NCR3LG1: variants seen among roughly 807,000 people sequenced by gnomAD.
The protein encoded by NCR3LG1 is natural killer cell cytotoxicity receptor 3 ligand 1, also known as natural cytotoxicity triggering receptor 3 ligand 1.
Under a neutral mutation model 34.8 loss-of-function variants are expected in NCR3LG1, and 35 were observed. The observed-to-expected ratio is 1.01, with a 90% CI of 0.77 to 1.33. The LOEUF is 1.33. NCR3LG1 is among the 40% of genes most tolerant of loss of function. The pLI, the probability that NCR3LG1 is intolerant of heterozygous loss-of-function variation, is 0.00. For synonymous variants in NCR3LG1, 173 were observed against 163.6 expected, an observed-to-expected ratio of 1.06 and a Z score of -0.44; for missense variants, 452 against 423.3, an observed-to-expected ratio of 1.07 and a Z score of -0.60.
chr11:17,356,449 T>A (rs1953206438), intron 1 of NCR3LG1, among the ~76,000 whole-genome samples: 1 of 152,094 alleles, frequency 6.6e-6, no homozygotes, highest in African/African-American at 2.4e-5. Context: ...ATGTCTTTTC[T>A]TGTAAGGGCA....
chr11:17,357,871 G>A (rs934029334), intron 2 of NCR3LG1, among the ~76,000 whole-genome samples: 6 of 151,764 alleles, frequency 4.0e-5, no homozygotes, highest in South Asian at 4.2e-4. Flanking sequence ...CATGCCTGGC[G>A]AATTTTTACA....
chr11:17,354,545 CTTT>C (rs71047545), intron 1 of NCR3LG1, among the ~76,000 whole-genome samples: 629 of 70,060 alleles, frequency 9.0e-3, no homozygotes, highest in African/African-American at 0.015. Flanking sequence ...AATTCTTCTT[CTTT>C]TTTTTTTTTT....
At chr11:17,354,267 G>A (rs1023323407) in intron 1 of NCR3LG1, among the ~76,000 whole-genome samples, 1 of 152,228 alleles carries the variant, frequency 6.6e-6, no homozygotes, top group Non-Finnish European at 1.5e-5. Flanking sequence ...CAAGACTGCA[G>A]AAAATTCCAA....
chr11:17,372,947 A>C lies in NCR3LG1; in HGVS notation c.*435A>C, dbSNP rs2133365964. 1 of 162,814 alleles carries C rather than the reference A, an allele frequency of 6.1e-6. No homozygotes were observed. Among genetic ancestry groups the C allele is most frequent in the African/African-American group, 2.4e-5 (1 of 41,728 alleles). The allele number at this position is 162,814 out of a possible 1,614,324, so 10.1% of individuals were successfully genotyped here. The stretch of plus-strand genomic sequence containing the variant: ...AGGACCAGAGCCAAGCCTCTTAATT[A>C]CCCCAAACTCTCCATGATAGATCAA... On this transcript the variant is annotated 3_prime_UTR_variant, in exon 5 of 5. Transcript: ENST00000338965.
chr11:17,356,136 CTTTTTTTTTT>C (rs71457872), intron 1 of NCR3LG1, among the ~76,000 whole-genome samples: 3 of 104,562 alleles, frequency 2.9e-5, no homozygotes, highest in East Asian at 4.8e-4. Flanking sequence ...TTCTTTCTTT[CTTTTTTTTTT>C]TTTTTTTTTG....
At chr11:17,362,593 C>T (rs1206781902) in intron 2 of NCR3LG1, among the ~76,000 whole-genome samples, 8 of 150,610 alleles carry the variant, frequency 5.3e-5, no homozygotes, top group South Asian at 2.1e-4. Flanking sequence ...TGAAACCATC[C>T]GAACCTGGTG....
At chr11:17,362,143 C>G (rs1019190922) in intron 2 of NCR3LG1, among the ~76,000 whole-genome samples, 5 of 152,048 alleles carry the variant, frequency 3.3e-5, no homozygotes, top group Admixed American at 6.6e-5. Flanking sequence ...AGGAAGTTTC[C>G]CTTTTATTCC....
chr11:17,354,381 C>G lies in NCR3LG1; in HGVS notation c.71-2270C>G, dbSNP rs536840230. On this transcript the variant is annotated intron_variant, in intron 1 of 4. Transcript: ENST00000338965. ...GAGGTCCTGGGTGAGCGCTTGGGCG[C>G]TCTGAAAATAGACGAGGTTTCCCAA... is the stretch of plus-strand genomic sequence containing the variant. 2.0e-5 allele frequency among the ~76,000 whole-genome samples: 3 copies of G among 152,326 alleles called. No homozygotes were observed. In the East Asian group the frequency reaches 5.8e-4, roughly 29 times the overall value.
chr11:17,353,900 A>G (rs561052342), intron 1 of NCR3LG1, among the ~76,000 whole-genome samples: 1 of 152,330 alleles, frequency 6.6e-6, no homozygotes, highest in South Asian at 2.1e-4. Flanking sequence ...TCCGCCTACA[A>G]GAAATTCCTA....
At chr11:17,371,362 TTCTC>T (rs1297877862) in intron 4 of NCR3LG1, among the ~76,000 whole-genome samples, 2 of 152,244 alleles carry the variant, frequency 1.3e-5, no homozygotes, top group Admixed American at 1.3e-4. Context: ...CCTGATTCCT[TTCTC>T]TCTTATGTCC....
intron 1 of NCR3LG1, among the ~76,000 whole-genome samples, chr11:17,352,779 T>C (rs567598814): frequency 6.6e-6 from 1 of 151,994 alleles, no homozygotes; most frequent in East Asian, 1.9e-4. Context: ...TGTTTTGATC[T>C]TGTGGTGACC....
At position 17,373,759 on chromosome 11, in the gene NCR3LG1, GC is replaced by G. The variant is rs572752261; in HGVS notation, c.*1249del. ...TCAGAGGGACCTACTGTTTACACAG[GC>G]CTTTTTAGTCATGCCTGAAAGTCCC... On this transcript the variant is annotated 3_prime_UTR_variant, in exon 5 of 5. Transcript: ENST00000338965. 56 of 146,932 alleles carry G rather than the reference GC, an allele frequency of 3.8e-4. No homozygotes were observed. Among genetic ancestry groups the G allele is most frequent in the African/African-American group, 1.3e-3 (54 of 40,214 alleles). 9.1% of individuals were successfully genotyped at this position (146,932 alleles called of 1,614,324 possible). A position where few individuals can be genotyped will look rare whatever the true frequency, so the allele number is the denominator to read the frequency against.
chr11:17,353,534 C>G (rs1280196415), intron 1 of NCR3LG1, among the ~76,000 whole-genome samples: 1 of 152,232 alleles, frequency 6.6e-6, no homozygotes, highest in East Asian at 1.9e-4. Context: ...CACCCGGTCC[C>G]ATGCCCGTCC....
chr11:17,363,671 G>A (rs994005722), intron 2 of NCR3LG1, among the ~76,000 whole-genome samples: 1 of 151,314 alleles, frequency 6.6e-6, no homozygotes, highest in African/African-American at 2.4e-5. Flanking sequence ...GCTCATTGCA[G>A]CTTCACCCTA....
rs573580122 is a variant in NCR3LG1 at position 17,372,120 on chromosome 11, G to A, written c.973G>A (p.Ala325Thr). The stretch of plus-strand genomic sequence containing the variant: ...GCACCTCATATTCTTTTGCACTCGG[G>A]CATGGCCGTCTTACCAGCTGCAGGA... ...KEHLIFFCTR[A>T]WPSYQLQDGE... The change falls in exon 5 of 5, where the codon GCA becomes ACA. Residue 325 changes from alanine (A) to threonine (T), a missense_variant. Physicochemically the swap from Ala to Thr is moderately conservative, Grantham distance 58. Coordinates refer to ENST00000338965, the MANE Select transcript of NCR3LG1 (RefSeq NM_001202439.3). 1.3e-4 allele frequency: 90 copies of A among 702,988 alleles called. No homozygotes were observed. Among genetic ancestry groups the A allele is most frequent in the South Asian group, 5.6e-4 (38 of 67,592 alleles). The allele number at this position is 702,988 out of a possible 1,614,324, so 43.5% of individuals were successfully genotyped here. A position where few individuals can be genotyped will look rare whatever the true frequency, so the allele number is the denominator to read the frequency against.
chr11:17,367,433 C>A, intron 3 of NCR3LG1, 86 bp downstream of exon 3: 2 of 1,129,316 alleles, frequency 1.8e-6, no homozygotes, highest in Non-Finnish European at 2.5e-6. Context: ...TGGGTCTTAG[C>A]TGGGGACTGA....
At chr11:17,353,488 G>A (rs762164653) in intron 1 of NCR3LG1, among the ~76,000 whole-genome samples, 1 of 152,154 alleles carries the variant, frequency 6.6e-6, no homozygotes, top group Non-Finnish European at 1.5e-5. Context: ...GGGTCTCCTC[G>A]AGCTCGAAGT....
chr11:17,368,187 A>G (rs1953368314), intron 3 of NCR3LG1, among the ~76,000 whole-genome samples: 1 of 152,036 alleles, frequency 6.6e-6, no homozygotes, highest in African/African-American at 2.4e-5. Flanking sequence ...GCAAATGCTC[A>G]ATGCCTTCCC....
At chr11:17,359,667 A>G (rs187530734) in intron 2 of NCR3LG1, among the ~76,000 whole-genome samples, 1 of 152,056 alleles carries the variant, frequency 6.6e-6, no homozygotes, top group Admixed American at 6.5e-5. Flanking sequence ...GCCCGCCACC[A>G]CGCCTGGCTA....
Sources: gnomAD v4.1 joint callset for allele counts (sites outside exome capture counted in the v4.1 genomes callset) on GRCh38, gnomAD v4.1.1 for gene constraint, MANE v1.5 for transcripts, NCBI Gene and HGNC (gene_info 2026-07-23, HGNC 2026-07-21) for gene names.